The following SH3GLB1 variants were observed in gnomAD, a reference collection of about 807,000 sequenced individuals.
SH3GLB1 encodes SH3 domain containing GRB2 like, endophilin B1.
Under a neutral mutation model 42.0 loss-of-function variants are expected in SH3GLB1, and 17 were observed. The observed-to-expected ratio is 0.40, with a 90% CI of 0.28 to 0.61. The LOEUF is 0.61. Among genes scored for constraint, SH3GLB1 ranks in the 20% least tolerant of loss-of-function variants. SH3GLB1 has a pLI of 0.36. For missense variants in SH3GLB1, 355 were observed against 426.3 expected (o/e 0.83, Z 1.47); for synonymous variants, 132 against 146.6 (o/e 0.90, Z 0.72).
intron 4 of SH3GLB1, among the ~76,000 whole-genome samples, chr1:86,723,214 T>C (rs1654966673): frequency 6.6e-6 from 1 of 152,182 alleles, no homozygotes; most frequent in South Asian, 2.1e-4. Flanking sequence ...TAAAGTATGA[T>C]TTAAAAGATA....
intron 7 of SH3GLB1, 38 bp downstream of exon 7, chr1:86,735,217 C>A (rs1228474760): frequency 1.4e-6 from 2 of 1,401,674 alleles, no homozygotes; most frequent in Admixed American, 3.4e-5. Context: ...AGGAGAAATT[C>A]AGATTTTTGC....
rs575092741 is a variant in SH3GLB1, at chr1:86,718,729, G to A, written c.215-778G>A. Among the ~76,000 whole-genome samples, 3 of 152,326 alleles carry A rather than the reference G, an allele frequency of 2.0e-5. No individual in the cohort carries two copies. The South Asian group carries it at 6.2e-4, about 32-fold the overall frequency. Reference sequence around the variant, plus strand: ...CTTGTCCTGAAATACCTCTAGGTTGGACAGCATTGTAAATGTTAATATCTT... The same window carrying A: ...CTTGTCCTGAAATACCTCTAGGTTGAACAGCATTGTAAATGTTAATATCTT... On this transcript the variant is annotated intron_variant, in intron 2 of 8. Transcript: ENST00000370558.
chr1:86,709,280 C>G (rs939082488), intron 1 of SH3GLB1, among the ~76,000 whole-genome samples: 3 of 152,180 alleles, frequency 2.0e-5, no homozygotes, highest in Non-Finnish European at 4.4e-5. Flanking sequence ...TCTTTTATAT[C>G]ATTTTAGCCA....
intron 1 of SH3GLB1, among the ~76,000 whole-genome samples, chr1:86,710,853 G>A (rs765357880): frequency 1.3e-4 from 20 of 152,132 alleles, no homozygotes; most frequent in Admixed American, 8.5e-4. Context: ...TAAACCAAGC[G>A]ATACATATTT....
At chr1:86,730,081 T>C in intron 5 of SH3GLB1, 5 of 1,593,784 alleles carry the variant, frequency 3.1e-6, no homozygotes, top group Non-Finnish European at 4.3e-6. Context: ...TTTTTAATGC[T>C]GGCTAGATTT....
At chr1:86,718,608 CG>C (rs1654687974) in intron 2 of SH3GLB1, among the ~76,000 whole-genome samples, 3 of 152,086 alleles carry the variant, frequency 2.0e-5, no homozygotes, top group Non-Finnish European at 2.9e-5. Context: ...CTTCCGCATG[CG>C]TAGGAATCTA....
chr1:86,720,301 A>T (rs1654797634), intron 3 of SH3GLB1, among the ~76,000 whole-genome samples: 1 of 152,152 alleles, frequency 6.6e-6, no homozygotes, highest in Non-Finnish European at 1.5e-5. Context: ...GGCTTATTTT[A>T]TGTTAAAGGT....
Position 86,742,408 on chromosome 1 carries a change from G to A in SH3GLB1, c.962G>A (p.Ser321Asn). The change falls in exon 8 of 9, where the codon AGT becomes AAT. Residue 321 changes from serine to asparagine, a missense_variant. Transcript: ENST00000370558. ...CTCTATGATTATGATGCAGCAAACA[G>A]TACTGAATTATCACTTCTGGCAGAT... is the stretch of plus-strand genomic sequence containing the variant. ...RVLYDYDAANSTELSLLADEV... is the reference protein window; with the variant it reads ...RVLYDYDAANNTELSLLADEV... The A allele has an allele frequency of 6.2e-7, 1 of 1,614,048 alleles. No individual in the cohort carries two copies. The highest frequency in any genetic ancestry group is 8.5e-7 in the Non-Finnish European group (1 of 1,179,932).
rs966692873 is a variant in SH3GLB1, at chr1:86,748,101, T to C, written c.*4866T>C. The C allele has an allele frequency of 2.6e-5, 4 of 152,186 alleles. No individual in the cohort carries two copies. Among genetic ancestry groups the C allele is most frequent in the African/African-American group, 7.2e-5 (3 of 41,440 alleles). 9.4% of individuals were successfully genotyped at this position (152,186 alleles called of 1,614,324 possible). On this transcript the variant is annotated 3_prime_UTR_variant, in exon 9 of 9. Coordinates refer to ENST00000370558, the MANE Select transcript of SH3GLB1 (RefSeq NM_016009.5). ...TACATCTCTTAATGGCTGCATGATATTCCATCATATGTGCCACATTTTATT... is the reference window on the plus strand; with the variant it reads ...TACATCTCTTAATGGCTGCATGATACTCCATCATATGTGCCACATTTTATT...
Position 86,704,974 on chromosome 1 carries a change from AC to A in SH3GLB1, c.72+6del, listed in dbSNP as rs1239947632. The A allele has an allele frequency of 1.9e-6, 3 of 1,570,310 alleles. No homozygotes were observed. The highest frequency in any genetic ancestry group is 2.8e-5 in the African/African-American group (2 of 70,754). ...CCTTCCTCAGTCGCGCCGTGCAGGT[AC>A]CCTGGTGCTGGGGGGAAAAGGGGTG... On this transcript the variant is annotated splice_donor_region_variant and intron_variant, in intron 1 of 8. Transcript: ENST00000370558.
At chr1:86,730,131 C>T in intron 5 of SH3GLB1, 1 of 1,586,496 alleles carries the variant, frequency 6.3e-7, no homozygotes, top group Non-Finnish European at 8.6e-7. Flanking sequence ...TTATTAAATA[C>T]AGAACTATGA....
At chr1:86,710,449 G>C (rs1386614247) in intron 1 of SH3GLB1, among the ~76,000 whole-genome samples, 1 of 152,016 alleles carries the variant, frequency 6.6e-6, no homozygotes, top group South Asian at 2.1e-4. Flanking sequence ...ATTTTTAGTA[G>C]AGACGGGGTT....
intron 5 of SH3GLB1, among the ~76,000 whole-genome samples, chr1:86,732,635 G>A (rs1208595278): frequency 3.3e-5 from 5 of 152,008 alleles, no homozygotes; most frequent in Admixed American, 1.3e-4. Context: ...TGTACAGAAG[G>A]ACCTCCTAAG....
intron 1 of SH3GLB1, among the ~76,000 whole-genome samples, chr1:86,708,456 C>G (rs941489448): frequency 1.3e-5 from 2 of 152,138 alleles, no homozygotes; most frequent in African/African-American, 4.8e-5. Flanking sequence ...TTAAAAATTT[C>G]TAAGTTAAAA....
intron 3 of SH3GLB1, among the ~76,000 whole-genome samples, 165 bp downstream of exon 3, chr1:86,719,800 C>A (rs1326748477): frequency 6.6e-6 from 1 of 151,736 alleles, no homozygotes; most frequent in Admixed American, 6.6e-5. Flanking sequence ...TCGAGACTAT[C>A]CTGGCTAACA....
intron 7 of SH3GLB1, among the ~76,000 whole-genome samples, chr1:86,741,099 G>C (rs1291124411): frequency 6.6e-6 from 1 of 152,122 alleles, no homozygotes; most frequent in Non-Finnish European, 1.5e-5. Flanking sequence ...TCTAAAAACA[G>C]TGATGAAGAA....
At chr1:86,723,389 C>G (rs1368227002) in intron 4 of SH3GLB1, among the ~76,000 whole-genome samples, 3 of 152,068 alleles carry the variant, frequency 2.0e-5, no homozygotes, top group African/African-American at 7.2e-5. Context: ...TGGCAGGTGC[C>G]TGTAATTCCA....
intron 7 of SH3GLB1, among the ~76,000 whole-genome samples, chr1:86,736,913 C>T (rs950736138): frequency 6.6e-6 from 1 of 152,202 alleles, no homozygotes; most frequent in Non-Finnish European, 1.5e-5. Flanking sequence ...CAGCTTCACA[C>T]TAACACATTC....
At chr1:86,723,651 G>T (rs1007679492) in intron 4 of SH3GLB1, among the ~76,000 whole-genome samples, 2 of 152,156 alleles carry the variant, frequency 1.3e-5, no homozygotes, top group Non-Finnish European at 2.9e-5. Flanking sequence ...ATTCCCTGAA[G>T]AATTCTAAGA....
Sources: allele counts gnomAD v4.1 joint callset (sites outside exome capture counted in the v4.1 genomes callset), GRCh38; gene constraint gnomAD v4.1.1; transcripts MANE v1.5; gene names NCBI Gene and HGNC (gene_info 2026-07-23, HGNC 2026-07-21).